ZCCHC17: variants seen among roughly 807,000 people sequenced by gnomAD.
ZCCHC17 encodes the protein zinc finger CCHC-type containing 17.
ZCCHC17 carries 18 observed loss-of-function variants against 30.6 expected under a neutral mutation model. The observed-to-expected ratio is 0.59, with a 90% confidence interval of 0.41 to 0.87. The LOEUF is 0.87. Ranked by LOEUF, ZCCHC17 falls within the 40% of genes least tolerant of loss-of-function variation. The pLI is 0.00. For missense variants in ZCCHC17, 263 were observed against 284.2 expected, an observed-to-expected ratio of 0.93 and a Z score of 0.54; for synonymous variants, 88 against 92.4, an observed-to-expected ratio of 0.95 and a Z score of 0.27.
At chr1:31,362,670 T>C (rs538352325) in intron 7 of ZCCHC17, among the ~76,000 whole-genome samples, 93 of 152,184 alleles carry the variant, frequency 6.1e-4, no homozygotes, top group Admixed American at 9.2e-4. Context: ...ATGGCAGTTA[T>C]TTCCCCTGGC....
chr1:31,361,757 A>T (rs1045049335), intron 7 of ZCCHC17, among the ~76,000 whole-genome samples: 1 of 151,978 alleles, frequency 6.6e-6, no homozygotes, highest in African/African-American at 2.4e-5. Flanking sequence ...ACTTGTCACC[A>T]TAGGTGTTTT....
intron 3 of ZCCHC17, among the ~76,000 whole-genome samples, chr1:31,335,150 A>G (rs934905078): frequency 6.6e-6 from 1 of 152,072 alleles, no homozygotes; most frequent in Non-Finnish European, 1.5e-5. Flanking sequence ...TGCTCAGTTT[A>G]TACTCCCAGG....
intron 5 of ZCCHC17, among the ~76,000 whole-genome samples, chr1:31,340,525 C>T (rs997884311): frequency 7.9e-5 from 12 of 152,160 alleles, no homozygotes; most frequent in Middle Eastern, 3.4e-3. Context: ...CTATGTTGGT[C>T]GGGCTGGTCT....
At chr1:31,305,963 G>A (rs1158621306) in intron 1 of ZCCHC17, among the ~76,000 whole-genome samples, 2 of 152,078 alleles carry the variant, frequency 1.3e-5, no homozygotes, top group African/African-American at 4.8e-5. Flanking sequence ...AAAATTGTGG[G>A]CACTGCTGAA....
chr1:31,325,859 G>A (rs1309679451), intron 3 of ZCCHC17, among the ~76,000 whole-genome samples: 1 of 152,012 alleles, frequency 6.6e-6, no homozygotes, highest in African/African-American at 2.4e-5. Flanking sequence ...GAAGAATCTT[G>A]TGACACCATC....
chr1:31,297,476 GA>G (rs1457692619), intron 1 of ZCCHC17, among the ~76,000 whole-genome samples: 1 of 152,216 alleles, frequency 6.6e-6, no homozygotes, highest in Non-Finnish European at 1.5e-5. Flanking sequence ...AGTGATGAAG[GA>G]AATGTCCGAC....
chr1:31,300,441 C>T (rs1163356319), intron 1 of ZCCHC17, among the ~76,000 whole-genome samples: 4 of 151,942 alleles, frequency 2.6e-5, no homozygotes, highest in Admixed American at 6.6e-5. Flanking sequence ...CTGGAAGTTC[C>T]GCCAAAGTCT....
chr1:31,313,864 TCTTTC>T (rs1386966923), intron 2 of ZCCHC17, among the ~76,000 whole-genome samples: 1 of 149,028 alleles, frequency 6.7e-6, no homozygotes, highest in Non-Finnish European at 1.5e-5. Flanking sequence ...TCTCTTCTCT[TCTTTC>T]TCTTTTTTTT....
chr1:31,359,983 CT>C (rs10711140), intron 7 of ZCCHC17, among the ~76,000 whole-genome samples: 34,704 of 145,054 alleles, frequency 0.24, 4,521 homozygotes, highest in African/African-American at 0.38. Context: ...GAACTACAAC[CT>C]TTTTTTTTTT....
At chr1:31,305,044 C>T (rs1228049710) in intron 1 of ZCCHC17, among the ~76,000 whole-genome samples, 2 of 152,192 alleles carry the variant, frequency 1.3e-5, no homozygotes, top group Non-Finnish European at 2.9e-5. Context: ...CACTGTGGCC[C>T]ACCATAAGGT....
chr1:31,311,447 G>C (rs969054457), intron 2 of ZCCHC17, among the ~76,000 whole-genome samples: 1 of 152,176 alleles, frequency 6.6e-6, no homozygotes, highest in Admixed American at 6.5e-5. Flanking sequence ...TGCACATGCT[G>C]TTTTCTTTTT....
intron 1 of ZCCHC17, among the ~76,000 whole-genome samples, chr1:31,308,563 A>G (rs972945293): frequency 6.6e-6 from 1 of 152,210 alleles, no homozygotes; most frequent in Admixed American, 6.5e-5. Flanking sequence ...ACTGGTGTCA[A>G]ATGTAATTGG....
At chr1:31,299,116 G>T (rs1646242831) in intron 1 of ZCCHC17, among the ~76,000 whole-genome samples, 2 of 152,298 alleles carry the variant, frequency 1.3e-5, no homozygotes, top group South Asian at 4.1e-4. Context: ...CAAGGATTTG[G>T]ACAAGAAAAT....
At position 31,348,861 on chromosome 1, in the gene ZCCHC17, G is replaced by A. The variant is rs906002430; in HGVS notation, c.451G>A (p.Gly151Ser). Residue 151 changes from glycine to serine, a missense_variant, in exon 7 of 8, where the codon GGT becomes AGT. Gly to Ser is a moderately conservative substitution (Grantham distance 56). Coordinates refer to ENST00000344147, the MANE Select transcript of ZCCHC17 (RefSeq NM_016505.4). Reference protein sequence around the residue: ...HFAKDCFMQPGGTKYSLIPDE... With the variant: ...HFAKDCFMQPSGTKYSLIPDE... ...TGCAAAAGATTGTTTCATGCAACCA[G>A]GTGGGACTAAATACTCTCTGATACC... is the stretch of plus-strand genomic sequence containing the variant. 3.7e-6 allele frequency: 6 copies of A among 1,612,774 alleles called. No individual in the cohort carries two copies. In the Admixed American group the frequency reaches 5.0e-5, roughly 13 times the overall value.
chr1:31,310,046 C>T lies in ZCCHC17; in HGVS notation c.-53C>T. ...GGTGTCTGATTTCTTTATGACAGGA[C>T]ACTTGTATTAGCTTTAATAGAAGAG... On this transcript the variant is annotated splice_region_variant and 5_prime_UTR_variant, in exon 2 of 8. Transcript: ENST00000344147. 1 of 1,568,944 alleles carries T rather than the reference C, an allele frequency of 6.4e-7. No individual in the cohort carries two copies. The highest frequency in any genetic ancestry group is 2.2e-5 in the East Asian group (1 of 44,594).
intron 7 of ZCCHC17, among the ~76,000 whole-genome samples, chr1:31,359,083 C>A (rs1052021680): frequency 1.3e-5 from 2 of 152,140 alleles, no homozygotes; most frequent in African/African-American, 4.8e-5. Context: ...GTAAATAAGA[C>A]CCAATAATTG....
intron 3 of ZCCHC17, among the ~76,000 whole-genome samples, chr1:31,325,992 TAA>T (rs71569978): frequency 4.5e-4 from 62 of 138,690 alleles, no homozygotes; most frequent in African/African-American, 3.7e-4. Context: ...CCCTGTCCCT[TAA>T]AAAAAAAAAA....
intron 7 of ZCCHC17, among the ~76,000 whole-genome samples, chr1:31,362,409 G>T (rs1639942331): frequency 6.6e-6 from 1 of 152,108 alleles, no homozygotes; most frequent in Non-Finnish European, 1.5e-5. Flanking sequence ...AGGCAATATA[G>T]GTATTTGAAA....
chr1:31,347,972 C>T (rs1339278993), intron 6 of ZCCHC17, among the ~76,000 whole-genome samples: 1 of 151,774 alleles, frequency 6.6e-6, no homozygotes, highest in African/African-American at 2.4e-5. Flanking sequence ...CTACCACAAA[C>T]TCAGACACAA....
Sources: allele counts gnomAD v4.1 joint callset (sites outside exome capture counted in the v4.1 genomes callset), GRCh38; gene constraint gnomAD v4.1.1; transcripts MANE v1.5; gene names NCBI Gene and HGNC (gene_info 2026-07-23, HGNC 2026-07-21).